The following CAPN5 variants were observed in gnomAD, a reference collection of about 807,000 sequenced individuals.
CAPN5 encodes calpain-5.
Under a neutral mutation model 73.0 loss-of-function variants are expected in CAPN5, and 54 were observed. The ratio of observed to expected loss-of-function variants is 0.74; its 90% confidence interval spans 0.59 to 0.93. CAPN5 has a LOEUF of 0.93. Ranked by LOEUF, CAPN5 falls within the 40% of genes least tolerant of loss-of-function variation. The pLI, the probability that CAPN5 is intolerant of heterozygous loss-of-function variation, is 0.00. For missense variants in CAPN5, 785 were observed against 882.9 expected, an observed-to-expected ratio of 0.89 and a Z score of 1.41; for synonymous variants, 335 against 356.9, an observed-to-expected ratio of 0.94 and a Z score of 0.69.
Position 77,115,543 on chromosome 11 carries a change from G to T in CAPN5, c.848G>T (p.Arg283Leu). Reference sequence around the variant, plus strand: ...GAGAAGTTGGACATGATCCGCCTGCGCAACCCCTGGGGCGAGCGGGAGTGG... The same window carrying T: ...GAGAAGTTGGACATGATCCGCCTGCTCAACCCCTGGGGCGAGCGGGAGTGG... ...KSEKLDMIRL[R>L]NPWGEREWNG... The change falls in exon 6 of 13, where the codon CGC becomes CTC. Residue 283 changes from arginine to leucine, a missense_variant. Coordinates refer to ENST00000648180, the MANE Select transcript of CAPN5 (RefSeq NM_004055.5). The T allele has an allele frequency of 6.2e-7, 1 of 1,612,968 alleles. No homozygotes were observed. Among genetic ancestry groups the T allele is most frequent in the Non-Finnish European group, 8.5e-7 (1 of 1,179,956 alleles).
At chr11:77,091,739 G>T (rs1950150825) in intron 2 of CAPN5, among the ~76,000 whole-genome samples, 1 of 152,174 alleles carries the variant, frequency 6.6e-6, no homozygotes, top group Admixed American at 6.5e-5. Context: ...AGGCCTTGGG[G>T]AGGGATGATT....
chr11:77,074,028 A>G (rs1324091113), intron 1 of CAPN5, among the ~76,000 whole-genome samples: 2 of 152,208 alleles, frequency 1.3e-5, no homozygotes, highest in Non-Finnish European at 2.9e-5. Flanking sequence ...TACACCCACG[A>G]AAGGACAAAG....
chr11:77,114,556 G>A, intron 5 of CAPN5, 122 bp downstream of exon 5: 2 of 901,676 alleles, frequency 2.2e-6, no homozygotes, highest in East Asian at 2.4e-5. Flanking sequence ...TCAGCCTCGT[G>A]GGGGAGGGGA....
rs1950559447 is a variant in CAPN5 at position 77,125,040 on chromosome 11, C to G, written c.*1170C>G. 1 of 152,250 alleles carries G rather than the reference C, an allele frequency of 6.6e-6. No homozygotes were observed. Among genetic ancestry groups the G allele is most frequent in the Non-Finnish European group, 1.5e-5 (1 of 68,028 alleles). The allele number at this position is 152,250 out of a possible 1,614,324, so 9.4% of individuals were successfully genotyped here. On this transcript the variant is annotated 3_prime_UTR_variant, in exon 13 of 13. Transcript: ENST00000648180. ...GGGGTTTTAAAAGAAAATTGAAAGC[C>G]TGAACCTCCATTTTTCTTCTTGGCT...
rs1565279078 is a variant in CAPN5 at position 77,119,172 on chromosome 11, CT to C, written c.1290+21del. ...TACAAGGTGAGGCCAGCCGGGTCCCCTGCCGTGGGTGGGGAGAGGGAGGGAG... is the reference window on the plus strand; with the variant it reads ...TACAAGGTGAGGCCAGCCGGGTCCCCGCCGTGGGTGGGGAGAGGGAGGGAG... On this transcript the variant is annotated intron_variant, in intron 9 of 12. Coordinates refer to ENST00000648180, the MANE Select transcript of CAPN5 (RefSeq NM_004055.5). 6.3e-7 allele frequency: 1 copy of C among 1,598,168 alleles called. No homozygotes were observed. Among genetic ancestry groups the C allele is most frequent in the Admixed American group, 1.7e-5 (1 of 57,828 alleles).
intron 9 of CAPN5, chr11:77,120,503 C>CT (rs1337162969): frequency 8.4e-6 from 4 of 477,138 alleles, no homozygotes; most frequent in Non-Finnish European, 1.5e-5. Flanking sequence ...AACCCACTCC[C>CT]TTTAACCACC....
rs538576711 is a variant in CAPN5 at position 77,084,964 on chromosome 11, C to T, written c.78C>T (p.Leu26=). ...GGGACTGCCGGCGCAGGAAGGTGCT[C>T]TTCGAGGACCCCCTCTTCCCCGCCA... ...LRRDCRRRKV[L]FEDPLFPATD... The change falls in exon 2 of 13, where the codon CTC becomes CTT. Residue 26 remains leucine (L), a synonymous_variant. Coordinates refer to ENST00000648180, the MANE Select transcript of CAPN5 (RefSeq NM_004055.5). 1.9e-6 allele frequency: 3 copies of T among 1,613,630 alleles called. No individual in the cohort carries two copies. The highest frequency in any genetic ancestry group is 2.2e-5 in the South Asian group (2 of 91,078).
intron 8 of CAPN5, among the ~76,000 whole-genome samples, chr11:77,118,625 C>T (rs1950491923): frequency 6.6e-6 from 1 of 152,232 alleles, no homozygotes; most frequent in South Asian, 2.1e-4. Flanking sequence ...TACAGGGACA[C>T]TTAGAGGCTG....
intron 5 of CAPN5, 99 bp downstream of exon 5, chr11:77,114,533 C>T (rs921020624): frequency 4.2e-5 from 46 of 1,086,612 alleles, no homozygotes; most frequent in Middle Eastern, 4.7e-4. Flanking sequence ...TCAGCTCCTA[C>T]GTATTCAGAC....
intron 12 of CAPN5, 58 bp downstream of exon 12, chr11:77,122,770 CAG>C (rs1439563908): frequency 1.9e-6 from 3 of 1,603,754 alleles, no homozygotes; most frequent in South Asian, 1.1e-5. Context: ...CTTCCCCACT[CAG>C]GGGGACAAGC....
At chr11:77,108,166 G>A (rs1555040197) in intron 3 of CAPN5, among the ~76,000 whole-genome samples, 3 of 152,226 alleles carry the variant, frequency 2.0e-5, no homozygotes, top group Admixed American at 2.0e-4. Flanking sequence ...TTCCTCCCAG[G>A]AAGACTCCAG....
intron 3 of CAPN5, among the ~76,000 whole-genome samples, chr11:77,101,650 A>G (rs542721933): frequency 1.9e-3 from 287 of 152,308 alleles, no homozygotes; most frequent in African/African-American, 6.5e-3. Context: ...CTTGTGGTCC[A>G]CTAGACCCTT....
intron 3 of CAPN5, among the ~76,000 whole-genome samples, chr11:77,109,640 T>G (rs1950391317): frequency 6.6e-6 from 1 of 152,144 alleles, no homozygotes; most frequent in Non-Finnish European, 1.5e-5. Context: ...GTTTTTGGTG[T>G]GCGAGCGCAT....
intron 12 of CAPN5, among the ~76,000 whole-genome samples, chr11:77,123,401 G>A (rs2135492056): frequency 6.6e-6 from 1 of 152,296 alleles, no homozygotes; most frequent in African/African-American, 2.4e-5. Flanking sequence ...GGGGAAACTA[G>A]GGCAGTGGGT....
At chr11:77,085,621 A>T (rs1950077593) in intron 2 of CAPN5, among the ~76,000 whole-genome samples, 1 of 152,224 alleles carries the variant, frequency 6.6e-6, no homozygotes, top group African/African-American at 2.4e-5. Context: ...GGGACCATGG[A>T]TACTGATAAT....
intron 2 of CAPN5, among the ~76,000 whole-genome samples, chr11:77,092,762 T>A (rs1287560402): frequency 6.6e-6 from 1 of 152,098 alleles, no homozygotes. Flanking sequence ...AGATCAGGAG[T>A]TTGAGACCAG....
intron 2 of CAPN5, chr11:77,087,898 C>T: frequency 6.5e-7 from 1 of 1,535,722 alleles, no homozygotes; most frequent in Non-Finnish European, 8.7e-7. Context: ...GCCTTCAGCC[C>T]ACACCCTTCA....
At position 77,108,736 on chromosome 11, in the gene CAPN5, C is replaced by CA. The variant is rs34493509; in HGVS notation, c.298-3841dup. The stretch of plus-strand genomic sequence containing the variant: ...GATGCATCTCTGAAAGATAAGGGCT[C>CA]AAAAAAAAAAAACCATAATACCAAC... On this transcript the variant is annotated intron_variant, in intron 3 of 12. Coordinates refer to ENST00000648180, the MANE Select transcript of CAPN5 (RefSeq NM_004055.5). Among the ~76,000 whole-genome samples, 581 of 140,764 alleles carry CA rather than the reference C, an allele frequency of 4.1e-3. 1 individual carries two copies. Among genetic ancestry groups the CA allele is most frequent in the African/African-American group, 0.01 (404 of 38,540 alleles). The allele number at this position is 140,764 out of a possible 152,430, so 92.3% of individuals were successfully genotyped here.
intron 12 of CAPN5, among the ~76,000 whole-genome samples, chr11:77,123,358 A>AG (rs1256666850): frequency 1.3e-5 from 2 of 152,186 alleles, no homozygotes; most frequent in Non-Finnish European, 2.9e-5. Flanking sequence ...AAAGACCCCT[A>AG]GGGGCAGCTG....
Sources: allele counts gnomAD v4.1 joint callset (sites outside exome capture counted in the v4.1 genomes callset), GRCh38; gene constraint gnomAD v4.1.1; transcripts MANE v1.5; gene names NCBI Gene and HGNC (gene_info 2026-07-23, HGNC 2026-07-21).